The following INSL6 variants were observed in gnomAD, a reference collection of about 807,000 sequenced individuals.
INSL6 encodes the protein insulin like 6.
A neutral mutation model predicts 9.4 loss-of-function variants in INSL6; 16 were observed. The observed-to-expected ratio is 1.70, with a 90% CI of 1.15 to 2.59. The LOEUF is 2.59. INSL6 is among the 30% of genes most tolerant of loss of function. The pLI, the probability that INSL6 is intolerant of heterozygous loss-of-function variation, is 0.00. For synonymous variants in INSL6, 154 were observed against 96.9 expected (o/e 1.59, Z -3.46); for missense variants, 391 against 257.3 (o/e 1.52, Z -3.56).
downstream of INSL6, chr9:5,123,006 A>G (rs199942090): frequency 1.2e-6 from 2 of 1,601,070 alleles, no homozygotes; most frequent in Admixed American, 1.7e-5. Context: ...ATTTACAGGT[A>G]TGCTCCAGAA....
At chr9:5,066,737 T>G in the INSL6 span, 2 of 1,606,728 alleles carry the variant, frequency 1.2e-6, no homozygotes, top group Non-Finnish European at 1.7e-6. Context: ...CTGTATGTAC[T>G]TCGATGCAGT....
intron 3 of INSL6, among the ~76,000 whole-genome samples, chr9:5,131,676 G>A (rs1824291760): frequency 6.6e-6 from 1 of 151,982 alleles, no homozygotes; most frequent in South Asian, 2.1e-4. Flanking sequence ...CTGACCTCAG[G>A]TGATCCAACC....
At chr9:5,037,602 C>T in the INSL6 span, among the ~76,000 whole-genome samples, 1 of 151,996 alleles carries the variant, frequency 6.6e-6, no homozygotes, top group African/African-American at 2.4e-5. Context: ...CAAACTATCG[C>T]AAGGACAAAA....
At chr9:5,029,647 C>G in the INSL6 span, 3 of 690,446 alleles carry the variant, frequency 4.3e-6, no homozygotes, top group Admixed American at 3.2e-5. Flanking sequence ...GTTGGTATAT[C>G]AAAAGATTTC....
chr9:5,047,595 T>C, the INSL6 span, among the ~76,000 whole-genome samples: 702 of 152,348 alleles, frequency 4.6e-3, 6 homozygotes, highest in African/African-American at 0.016. Flanking sequence ...AATGAAGATG[T>C]AAATTTCTTA....
At chr9:5,002,856 T>G in the INSL6 span, among the ~76,000 whole-genome samples, 1 of 152,042 alleles carries the variant, frequency 6.6e-6, no homozygotes. Context: ...TTTTATGTTC[T>G]GCTTACAAGA....
At chr9:5,166,634 G>C (rs968383395) in intron 1 of INSL6, among the ~76,000 whole-genome samples, 56 of 152,070 alleles carry the variant, frequency 3.7e-4, no homozygotes, top group African/African-American at 1.3e-3. Context: ...GAAAACCTAA[G>C]TGTACCAACA....
the INSL6 span, chr9:5,112,522 C>T: frequency 3.4e-6 from 2 of 583,210 alleles, no homozygotes; most frequent in Non-Finnish European, 6.1e-6. Context: ...CCCCCCAGAG[C>T]AGAAGGCCGA....
chr9:5,072,506 C>A, the INSL6 span: 46 of 1,585,536 alleles, frequency 2.9e-5, no homozygotes, highest in African/African-American at 3.5e-4. Context: ...AAAGCCTTGG[C>A]CAAGGCACTT....
At chr9:5,010,638 C>T in the INSL6 span, among the ~76,000 whole-genome samples, 1 of 152,124 alleles carries the variant, frequency 6.6e-6, no homozygotes. Context: ...CCTTTTAATA[C>T]ATTTAATAAA....
chr9:5,117,198 T>C, the INSL6 span, among the ~76,000 whole-genome samples: 2 of 152,350 alleles, frequency 1.3e-5, no homozygotes, highest in South Asian at 2.1e-4. Context: ...TCCAGAAGTA[T>C]GAGAAATAAA....
At chr9:5,042,642 G>C in the INSL6 span, among the ~76,000 whole-genome samples, 2 of 151,760 alleles carry the variant, frequency 1.3e-5, no homozygotes, top group Non-Finnish European at 2.9e-5. Context: ...AGTCCAGCTT[G>C]TCTCCCTCAT....
downstream of INSL6, among the ~76,000 whole-genome samples, chr9:5,123,467 C>T (rs983590570): frequency 6.6e-6 from 1 of 151,910 alleles, no homozygotes; most frequent in Non-Finnish European, 1.5e-5. Context: ...CATGTTGCTA[C>T]AAAAGACATA....
chr9:5,074,279 T>C, the INSL6 span, among the ~76,000 whole-genome samples: 1 of 152,182 alleles, frequency 6.6e-6, no homozygotes, highest in Non-Finnish European at 1.5e-5. Context: ...GCTTTAATAC[T>C]ATACAGGCAT....
At chr9:5,136,849 C>T (rs1183966692) in intron 2 of INSL6, among the ~76,000 whole-genome samples, 2 of 152,206 alleles carry the variant, frequency 1.3e-5, no homozygotes, top group African/African-American at 2.4e-5. Flanking sequence ...TTGCAGATGA[C>T]ATGATTGTAT....
At chr9:4,998,375 G>C in the INSL6 span, among the ~76,000 whole-genome samples, 1 of 152,104 alleles carries the variant, frequency 6.6e-6, no homozygotes, top group Admixed American at 6.5e-5. Context: ...TCCTACCTCA[G>C]CCTCCCGAGT....
the INSL6 span, among the ~76,000 whole-genome samples, chr9:5,004,588 C>T: frequency 6.6e-6 from 1 of 152,130 alleles, no homozygotes; most frequent in South Asian, 2.1e-4. Flanking sequence ...AATAATGCTG[C>T]AATGAGCATG....
the INSL6 span, chr9:5,089,817 A>G: frequency 6.3e-7 from 1 of 1,593,466 alleles, no homozygotes; most frequent in Non-Finnish European, 8.5e-7. Flanking sequence ...TGAAATCCCT[A>G]CAGCATGACA....
chr9:5,029,815 T>C, the INSL6 span: 1 of 1,611,698 alleles, frequency 6.2e-7, no homozygotes, highest in East Asian at 2.2e-5. Context: ...TATGTTTGCT[T>C]TAATGAGTGA....
Sources: allele counts gnomAD v4.1 joint callset (sites outside exome capture counted in the v4.1 genomes callset), GRCh38; gene constraint gnomAD v4.1.1; transcripts MANE v1.5; gene names NCBI Gene and HGNC (gene_info 2026-07-23, HGNC 2026-07-21).